CCBE1: variants seen among roughly 807,000 people sequenced by gnomAD.
The protein encoded by CCBE1 is collagen and calcium binding EGF domains 1, also known as collagen and calcium-binding EGF domain-containing protein 1.
Under a neutral mutation model 50.0 loss-of-function variants are expected in CCBE1, and 37 were observed. That is an observed-to-expected ratio of 0.74 (90% CI 0.57 to 0.97). The LOEUF (loss-of-function observed/expected upper bound fraction) is 0.97. Among genes scored for constraint, CCBE1 ranks in the 50% least tolerant of loss-of-function variants. The pLI is 0.00. For missense variants in CCBE1, 538 were observed against 523.8 expected, an observed-to-expected ratio of 1.03 and a Z score of -0.26; for synonymous variants, 234 against 203.7, an observed-to-expected ratio of 1.15 and a Z score of -1.27.
At chr18:59,472,558 G>A (rs1281367815) in intron 3 of CCBE1, among the ~76,000 whole-genome samples, 2 of 152,212 alleles carry the variant, frequency 1.3e-5, no homozygotes, top group African/African-American at 2.4e-5. Context: ...CTGCACAGCA[G>A]CTACTACTCT....
intron 2 of CCBE1, among the ~76,000 whole-genome samples, chr18:59,582,096 C>T (rs1057068389): frequency 6.6e-6 from 1 of 152,148 alleles, no homozygotes; most frequent in African/African-American, 2.4e-5. Context: ...GACTGGTCTG[C>T]CACTGTGCCT....
At chr18:59,669,328 A>G (rs924930604) in intron 2 of CCBE1, among the ~76,000 whole-genome samples, 12 of 152,222 alleles carry the variant, frequency 7.9e-5, no homozygotes, top group Admixed American at 1.3e-4. Context: ...GCCCCGCTAC[A>G]GGCTGATACT....
chr18:59,538,003 A>AT (rs1568193875), intron 2 of CCBE1, among the ~76,000 whole-genome samples: 1 of 152,196 alleles, frequency 6.6e-6, no homozygotes, highest in Non-Finnish European at 1.5e-5. Flanking sequence ...TGAAAAATCT[A>AT]TTTTTTGGAA....
At chr18:59,457,205 C>T (rs912293267) in intron 5 of CCBE1, among the ~76,000 whole-genome samples, 2 of 152,220 alleles carry the variant, frequency 1.3e-5, no homozygotes, top group Admixed American at 6.5e-5. Context: ...ATTCCCGTAG[C>T]TTCCTCACCT....
intron 2 of CCBE1, among the ~76,000 whole-genome samples, chr18:59,683,698 A>C (rs918408544): frequency 1.4e-4 from 8 of 58,312 alleles, no homozygotes; most frequent in African/African-American, 3.2e-4. Context: ...ACTCCATCTC[A>C]AAAAAAGAGA....
At chr18:59,454,219 A>G (rs1017288498) in intron 6 of CCBE1, among the ~76,000 whole-genome samples, 3 of 152,138 alleles carry the variant, frequency 2.0e-5, no homozygotes, top group African/African-American at 7.2e-5. Flanking sequence ...GATTATTTCC[A>G]TAATCTATGG....
At chr18:59,660,915 G>A (rs528833840) in intron 2 of CCBE1, among the ~76,000 whole-genome samples, 36 of 152,210 alleles carry the variant, frequency 2.4e-4, no homozygotes, top group Non-Finnish European at 4.4e-4. Context: ...CTGGCAGACT[G>A]TGGGACAAAG....
At chr18:59,585,245 G>A (rs1257277472) in intron 2 of CCBE1, among the ~76,000 whole-genome samples, 2 of 151,928 alleles carry the variant, frequency 1.3e-5, no homozygotes, top group Non-Finnish European at 2.9e-5. Context: ...CTACTCCCAA[G>A]GTACCCAGGT....
chr18:59,618,256 T>C (rs910462395), intron 2 of CCBE1, among the ~76,000 whole-genome samples: 38 of 151,934 alleles, frequency 2.5e-4, no homozygotes, highest in African/African-American at 8.9e-4. Flanking sequence ...TGAGACCAGC[T>C]TGGGAAACAT....
intron 2 of CCBE1, among the ~76,000 whole-genome samples, chr18:59,671,590 T>C (rs973980700): frequency 3.3e-5 from 5 of 151,668 alleles, no homozygotes; most frequent in Non-Finnish European, 7.4e-5. Context: ...AGAAAAGTGA[T>C]AGGACATAGG....
intron 2 of CCBE1, among the ~76,000 whole-genome samples, chr18:59,535,376 A>G (rs1344667323): frequency 6.6e-6 from 1 of 152,206 alleles, no homozygotes; most frequent in African/African-American, 2.4e-5. Flanking sequence ...AGACTGGCAG[A>G]AATGTAAAAG....
chr18:59,521,939 A>G (rs1375450740), intron 2 of CCBE1, among the ~76,000 whole-genome samples: 3 of 152,236 alleles, frequency 2.0e-5, no homozygotes, highest in African/African-American at 7.2e-5. Flanking sequence ...ATTCTCATAT[A>G]TGCTGTTTAC....
intron 2 of CCBE1, among the ~76,000 whole-genome samples, chr18:59,546,757 C>T (rs1915700188): frequency 6.6e-6 from 1 of 152,064 alleles, no homozygotes; most frequent in South Asian, 2.1e-4. Context: ...TTCTATATGG[C>T]AAAAGTGACA....
intron 2 of CCBE1, among the ~76,000 whole-genome samples, chr18:59,623,188 T>TA (rs36034428): frequency 3.0e-4 from 45 of 152,192 alleles, no homozygotes; most frequent in African/African-American, 9.4e-4. Context: ...AAAACTGCTC[T>TA]AAAAAAAATC....
chr18:59,499,702 G>A (rs547106394), intron 2 of CCBE1, among the ~76,000 whole-genome samples: 1 of 152,218 alleles, frequency 6.6e-6, no homozygotes, highest in East Asian at 1.9e-4. Flanking sequence ...GGGAATTCAA[G>A]ATGAGATTTG....
chr18:59,437,202 T>C (rs1910198167), intron 10 of CCBE1, among the ~76,000 whole-genome samples: 1 of 152,112 alleles, frequency 6.6e-6, no homozygotes, highest in African/African-American at 2.4e-5. Flanking sequence ...GTGTGGGGCA[T>C]GGTAAAAAAG....
At chr18:59,544,112 TA>T (rs1221024670) in intron 2 of CCBE1, among the ~76,000 whole-genome samples, 4 of 152,198 alleles carry the variant, frequency 2.6e-5, no homozygotes, top group Non-Finnish European at 4.4e-5. Context: ...AAAACTAAAA[TA>T]ATTTATAAAA....
chr18:59,498,840 A>G (rs1913478424), intron 2 of CCBE1, among the ~76,000 whole-genome samples: 1 of 152,208 alleles, frequency 6.6e-6, no homozygotes, highest in African/African-American at 2.4e-5. Context: ...GTGGTTGGCC[A>G]TTCCTTTCAG....
intron 5 of CCBE1, among the ~76,000 whole-genome samples, chr18:59,466,162 T>C (rs1911731333): frequency 1.3e-5 from 2 of 152,116 alleles, no homozygotes; most frequent in Non-Finnish European, 2.9e-5. Context: ...ATGGTTTAGC[T>C]GTGTCCCCAC....
Sources: allele counts gnomAD v4.1 joint callset (sites outside exome capture counted in the v4.1 genomes callset), GRCh38; gene constraint gnomAD v4.1.1; transcripts MANE v1.5; gene names NCBI Gene and HGNC (gene_info 2026-07-23, HGNC 2026-07-21).